SRPK1: variants seen among roughly 807,000 people sequenced by gnomAD.
SRPK1 encodes SRSF protein kinase 1.
A neutral mutation model predicts 89.5 loss-of-function variants in SRPK1; 52 were observed. The observed-to-expected ratio is 0.58, with a 90% CI of 0.46 to 0.73. The LOEUF is 0.73. SRPK1 is among the 30% of genes least tolerant of loss of function. The pLI is 0.00. For synonymous variants in SRPK1, 255 were observed against 270.2 expected (o/e 0.94, Z 0.55); for missense variants, 603 against 780.6 (o/e 0.77, Z 2.71).
chr6:35,874,929 C>T (rs1380305131), intron 6 of SRPK1, among the ~76,000 whole-genome samples: 1 of 152,156 alleles, frequency 6.6e-6, no homozygotes, highest in Non-Finnish European at 1.5e-5. Context: ...GTATGAACAA[C>T]CTGATGACAC....
intron 13 of SRPK1, among the ~76,000 whole-genome samples, chr6:35,848,479 C>G (rs1395455742): frequency 6.6e-6 from 1 of 152,162 alleles, no homozygotes; most frequent in Non-Finnish European, 1.5e-5. Flanking sequence ...ATCACTTCAG[C>G]CCAGGAAGCG....
At chr6:35,877,801 C>T (rs972611857) in intron 6 of SRPK1, among the ~76,000 whole-genome samples, 2 of 151,034 alleles carry the variant, frequency 1.3e-5, no homozygotes, top group African/African-American at 4.9e-5. Flanking sequence ...AACCACTGCA[C>T]CACTGCACTC....
intron 6 of SRPK1, among the ~76,000 whole-genome samples, chr6:35,876,908 GGA>G: frequency 6.6e-6 from 1 of 152,174 alleles, no homozygotes; most frequent in Non-Finnish European, 1.5e-5. Flanking sequence ...CTGAGAGTCT[GGA>G]GAGACCAAGG....
intron 12 of SRPK1, 90 bp from the exon 13 acceptor site, chr6:35,857,458 C>A: frequency 1.8e-6 from 2 of 1,116,390 alleles, no homozygotes; most frequent in South Asian, 1.5e-5. Flanking sequence ...AATAAACTCT[C>A]TGAAGTTTTT....
chr6:35,839,308 C>T (rs1208556418), intron 14 of SRPK1, among the ~76,000 whole-genome samples: 5 of 152,222 alleles, frequency 3.3e-5, no homozygotes, highest in Non-Finnish European at 7.3e-5. Flanking sequence ...GAGCCACCAC[C>T]TGGCTGATAC....
At chr6:35,868,094 T>C (rs1157468063) in intron 12 of SRPK1, among the ~76,000 whole-genome samples, 2 of 152,018 alleles carry the variant, frequency 1.3e-5, no homozygotes, top group Non-Finnish European at 2.9e-5. Flanking sequence ...TGCCTCAGCC[T>C]CCCAAGTAGC....
At chr6:35,836,373 C>T (rs1232614713) in intron 15 of SRPK1, among the ~76,000 whole-genome samples, 1 of 152,096 alleles carries the variant, frequency 6.6e-6, no homozygotes, top group Non-Finnish European at 1.5e-5. Context: ...CTACACTATA[C>T]TGGAGTATCA....
At chr6:35,906,478 G>C (rs1770850561) in intron 2 of SRPK1, among the ~76,000 whole-genome samples, 1 of 152,188 alleles carries the variant, frequency 6.6e-6, no homozygotes, top group South Asian at 2.1e-4. Flanking sequence ...ACCGGCCTTG[G>C]CCTCCCAAAG....
chr6:35,856,921 T>C (rs2151084230), intron 13 of SRPK1: 1 of 187,330 alleles, frequency 5.3e-6, no homozygotes, highest in Non-Finnish European at 1.1e-5. Flanking sequence ...GTTTCTTTGG[T>C]CTGAAAATAG....
At chr6:35,908,330 T>C (rs1770893163) in intron 2 of SRPK1, among the ~76,000 whole-genome samples, 1 of 152,196 alleles carries the variant, frequency 6.6e-6, no homozygotes, top group Non-Finnish European at 1.5e-5. Context: ...ACCAAAATGC[T>C]GATAGTGAGG....
chr6:35,898,516 T>C (rs190719067), intron 2 of SRPK1, among the ~76,000 whole-genome samples: 1 of 152,300 alleles, frequency 6.6e-6, no homozygotes, highest in Admixed American at 6.5e-5. Context: ...ACCCCAAAAC[T>C]ACTGAAATAA....
rs1173345117 is a variant in SRPK1, at chr6:35,869,414, T to G, written c.1411+68A>C. The G allele has an allele frequency of 2.6e-6, 4 of 1,522,668 alleles. No homozygotes were observed. The African/African-American group carries it at 5.5e-5, about 21-fold the overall frequency. 94.3% of individuals were successfully genotyped at this position (1,522,668 alleles called of 1,614,324 possible). A position where few individuals can be genotyped will look rare whatever the true frequency, so the allele number is the denominator to read the frequency against. ...TATAGTTACAAAAACAATCATACTT[T>G]TAGTCTAGAAATCTGTGAATGTGTT... On this transcript the variant is annotated intron_variant, in intron 11 of 15. Transcript: ENST00000373825.
At chr6:35,873,492 C>CA (rs1770079610) in intron 7 of SRPK1, among the ~76,000 whole-genome samples, 1 of 147,358 alleles carries the variant, frequency 6.8e-6, no homozygotes, top group East Asian at 2.0e-4. Flanking sequence ...TAGCAATTAA[C>CA]TTTTTTTTTT....
intron 2 of SRPK1, among the ~76,000 whole-genome samples, chr6:35,901,551 A>G (rs990906022): frequency 7.9e-5 from 12 of 152,182 alleles, no homozygotes; most frequent in African/African-American, 2.9e-4. Context: ...GTACTTTGTT[A>G]CAGAAGACTG....
intron 2 of SRPK1, among the ~76,000 whole-genome samples, chr6:35,899,025 G>T (rs1770685815): frequency 1.3e-5 from 2 of 152,162 alleles, no homozygotes; most frequent in South Asian, 4.1e-4. Context: ...GCTGGGCATG[G>T]TGGCGCGTGC....
intron 2 of SRPK1, among the ~76,000 whole-genome samples, chr6:35,893,032 T>C (rs1770553546): frequency 6.6e-6 from 1 of 152,240 alleles, no homozygotes; most frequent in African/African-American, 2.4e-5. Context: ...GATTCAATGT[T>C]CATTGTAACT....
At chr6:35,920,640 G>A (rs967933842) in intron 1 of SRPK1, 112 bp from the exon 2 acceptor site, 3 of 833,950 alleles carry the variant, frequency 3.6e-6, no homozygotes, top group South Asian at 6.6e-5. Flanking sequence ...TGCCTCGGGG[G>A]CGGCTGCGGG....
intron 15 of SRPK1, among the ~76,000 whole-genome samples, 166 bp downstream of exon 15, chr6:35,838,170 GT>G (rs1477864941): frequency 6.6e-6 from 1 of 152,050 alleles, no homozygotes; most frequent in Non-Finnish European, 1.5e-5. Context: ...GCCCGGCTCA[GT>G]CTCTGCTCTT....
At chr6:35,891,178 A>G in intron 2 of SRPK1, 165 bp from the exon 3 acceptor site, 2 of 764,556 alleles carry the variant, frequency 2.6e-6, no homozygotes, top group Non-Finnish European at 3.7e-6. Context: ...TCATGTTAGA[A>G]AAATACTTTT....
Sources: allele counts gnomAD v4.1 joint callset (sites outside exome capture counted in the v4.1 genomes callset), GRCh38; gene constraint gnomAD v4.1.1; transcripts MANE v1.5; gene names NCBI Gene and HGNC (gene_info 2026-07-23, HGNC 2026-07-21).